Variants in CCDC30 observed in about 807,000 individuals in gnomAD.
CCDC30 encodes coiled-coil domain-containing protein 30.
A neutral mutation model predicts 100.2 loss-of-function variants in CCDC30; 70 were observed. The ratio of observed to expected loss-of-function variants is 0.70; its 90% confidence interval spans 0.58 to 0.85. CCDC30 has a LOEUF of 0.85. Among genes scored for constraint, CCDC30 ranks in the 40% least tolerant of loss-of-function variants. The pLI is 0.00. For synonymous variants in CCDC30, 233 were observed against 269.5 expected, an observed-to-expected ratio of 0.86 and a Z score of 1.33; for missense variants, 652 against 771.2, an observed-to-expected ratio of 0.85 and a Z score of 1.83.
intron 11 of CCDC30, among the ~76,000 whole-genome samples, chr1:42,614,331 C>T (rs550370011): frequency 6.6e-6 from 1 of 151,940 alleles, no homozygotes; most frequent in East Asian, 2.0e-4. Context: ...CCACCCGCCT[C>T]GGCCTCCCAA....
intron 6 of CCDC30, among the ~76,000 whole-genome samples, chr1:42,521,716 G>A (rs755016565): frequency 3.3e-5 from 5 of 151,418 alleles, no homozygotes; most frequent in Non-Finnish European, 7.4e-5. Context: ...TTTTTCTTTT[G>A]TTTTTTGATG....
intron 10 of CCDC30, among the ~76,000 whole-genome samples, chr1:42,601,541 C>T (rs969481633): frequency 6.6e-6 from 1 of 152,198 alleles, no homozygotes; most frequent in Non-Finnish European, 1.5e-5. Flanking sequence ...CATTTTGGGA[C>T]ACCCCTAACC....
At chr1:42,537,576 CTA>C (rs1644929124) in intron 6 of CCDC30, 2 of 319,026 alleles carry the variant, frequency 6.3e-6, no homozygotes, top group African/African-American at 2.2e-5. Context: ...TTTATGTAAC[CTA>C]TTCCCTTCAT....
intron 6 of CCDC30, among the ~76,000 whole-genome samples, chr1:42,565,739 A>ATG (rs149539237): frequency 1.4e-3 from 212 of 151,370 alleles, no homozygotes; most frequent in African/African-American, 4.1e-3. Context: ...TGCAGAAGTG[A>ATG]TGTGTGTGTG....
At chr1:42,464,711 C>T (rs1569649731) in intron 1 of CCDC30, among the ~76,000 whole-genome samples, 1 of 152,198 alleles carries the variant, frequency 6.6e-6, no homozygotes, top group Non-Finnish European at 1.5e-5. Context: ...TCTTACAATA[C>T]GCATTCCTTG....
chr1:42,637,688 T>C (rs1647186940), intron 12 of CCDC30, among the ~76,000 whole-genome samples: 1 of 152,206 alleles, frequency 6.6e-6, no homozygotes, highest in Non-Finnish European at 1.5e-5. Flanking sequence ...CCACTCTCAG[T>C]AACTCATTTC....
chr1:42,528,941 T>C (rs182747124), intron 6 of CCDC30, among the ~76,000 whole-genome samples: 16 of 152,366 alleles, frequency 1.1e-4, no homozygotes, highest in Admixed American at 2.6e-4. Flanking sequence ...TAACATTAAG[T>C]ACCAGAATAG....
At chr1:42,626,790 G>A (rs1646941553) in intron 11 of CCDC30, among the ~76,000 whole-genome samples, 1 of 152,132 alleles carries the variant, frequency 6.6e-6, no homozygotes, top group African/African-American at 2.4e-5. Flanking sequence ...CCACTGCCAT[G>A]TAAGAAGTCC....
intron 6 of CCDC30, among the ~76,000 whole-genome samples, chr1:42,525,243 TG>T (rs1160269981): frequency 1.3e-5 from 2 of 152,194 alleles, no homozygotes; most frequent in Non-Finnish European, 2.9e-5. Flanking sequence ...CAAAATTTTT[TG>T]TATTGCTCCA....
At chr1:42,576,715 G>A (rs1177298767) in intron 7 of CCDC30, among the ~76,000 whole-genome samples, 1 of 152,214 alleles carries the variant, frequency 6.6e-6, no homozygotes, top group Non-Finnish European at 1.5e-5. Flanking sequence ...GAAGAGGTCA[G>A]TTAGTACCCT....
At chr1:42,488,720 C>T (rs1031163606) in intron 3 of CCDC30, among the ~76,000 whole-genome samples, 1 of 152,194 alleles carries the variant, frequency 6.6e-6, no homozygotes. Context: ...ATATATTTCA[C>T]TATGTGTGCT....
chr1:42,647,796 G>T, intron 15 of CCDC30, among the ~76,000 whole-genome samples: 1 of 152,102 alleles, frequency 6.6e-6, no homozygotes, highest in East Asian at 1.9e-4. Context: ...CAAACACATG[G>T]AAATAAAACA....
intron 15 of CCDC30, among the ~76,000 whole-genome samples, chr1:42,648,760 T>G (rs753943589): frequency 6.6e-6 from 1 of 151,834 alleles, no homozygotes; most frequent in African/African-American, 2.4e-5. Context: ...AAACAAAAAG[T>G]TGGGTTTTTT....
chr1:42,480,035 G>C (rs567853392), intron 1 of CCDC30, among the ~76,000 whole-genome samples: 40 of 152,098 alleles, frequency 2.6e-4, no homozygotes, highest in Non-Finnish European at 5.3e-4. Context: ...CTGATGGCTA[G>C]GCTTTTTTGG....
At position 42,581,806 on chromosome 1, in the gene CCDC30, A is replaced by G. The variant is rs1645973091; in HGVS notation, c.1001+292A>G. ...GTAAATATTCTTGACTGACTTGCCT[A>G]TGAAATACTATGGAATTTGCTCTGA... On this transcript the variant is annotated intron_variant, in intron 9 of 16. Coordinates refer to ENST00000668663, the Ensembl canonical transcript of CCDC30. Among the ~76,000 whole-genome samples the G allele has an allele frequency of 1.3e-5, 2 of 152,204 alleles. 1 individual carries two copies. Among genetic ancestry groups the G allele is most frequent in the South Asian group, 4.1e-4 (2 of 4,838 alleles).
At chr1:42,515,551 G>T in intron 6 of CCDC30, among the ~76,000 whole-genome samples, 1 of 152,172 alleles carries the variant, frequency 6.6e-6, no homozygotes, top group East Asian at 1.9e-4. Context: ...GCAGCAACAA[G>T]GTGCCAACTT....
intron 6 of CCDC30, among the ~76,000 whole-genome samples, chr1:42,564,966 C>A (rs1383356415): frequency 1.3e-5 from 2 of 152,164 alleles, no homozygotes; most frequent in African/African-American, 4.8e-5. Flanking sequence ...GCTTATTTCA[C>A]TTAGCATAAT....
At chr1:42,601,018 G>T (rs541366709) in intron 10 of CCDC30, among the ~76,000 whole-genome samples, 14 of 152,218 alleles carry the variant, frequency 9.2e-5, no homozygotes, top group African/African-American at 3.4e-4. Flanking sequence ...AAATTACCCA[G>T]TCTCAGGTAT....
intron 6 of CCDC30, among the ~76,000 whole-genome samples, chr1:42,548,722 C>G (rs1021218327): frequency 6.6e-6 from 1 of 152,060 alleles, no homozygotes; most frequent in Non-Finnish European, 1.5e-5. Flanking sequence ...ATGGAAGAAG[C>G]GATGCCAAGG....
Sources: allele counts gnomAD v4.1 joint callset (sites outside exome capture counted in the v4.1 genomes callset), GRCh38; gene constraint gnomAD v4.1.1; transcripts MANE v1.5; gene names NCBI Gene and HGNC (gene_info 2026-07-23, HGNC 2026-07-21).